Variants in AGMO observed in about 807,000 individuals in gnomAD.
The protein encoded by AGMO is glyceryl-ether monooxygenase.
Under a neutral mutation model 60.2 loss-of-function variants are expected in AGMO, and 75 were observed. The observed-to-expected ratio is 1.25, with a 90% CI of 1.03 to 1.51. The LOEUF (loss-of-function observed/expected upper bound fraction) is 1.51, where lower values mean the gene tolerates loss of function less well. Among genes scored for constraint, AGMO ranks in the 40% most tolerant of loss-of-function variants. AGMO has a pLI of 0.00. For synonymous variants in AGMO, 261 were observed against 177.1 expected (o/e 1.47, Z -3.76); for missense variants, 763 against 525.5 (o/e 1.45, Z -4.42).
intron 10 of AGMO, among the ~76,000 whole-genome samples, chr7:15,368,383 T>A (rs528433088): frequency 1.3e-5 from 2 of 152,190 alleles, no homozygotes; most frequent in East Asian, 3.9e-4. Flanking sequence ...ATTGCTTCAT[T>A]GTGGTTTTGG....
At chr7:15,270,284 A>C (rs1255448597) in intron 12 of AGMO, among the ~76,000 whole-genome samples, 2 of 151,802 alleles carry the variant, frequency 1.3e-5, no homozygotes, top group Non-Finnish European at 2.9e-5. Flanking sequence ...TTGTTTTTTG[A>C]CTTTGTATTA....
intron 10 of AGMO, among the ~76,000 whole-genome samples, chr7:15,369,661 C>T (rs1783123778): frequency 6.6e-6 from 1 of 152,058 alleles, no homozygotes; most frequent in African/African-American, 2.4e-5. Context: ...TATGATTTTC[C>T]ACTTCTATAC....
intron 10 of AGMO, among the ~76,000 whole-genome samples, chr7:15,366,773 G>C (rs550802641): frequency 9.2e-5 from 14 of 151,950 alleles, no homozygotes; most frequent in Non-Finnish European, 1.9e-4. Flanking sequence ...TAAACATTAA[G>C]CATTAGTGTG....
chr7:15,304,544 A>C (rs773617885), intron 12 of AGMO, among the ~76,000 whole-genome samples: 2 of 152,128 alleles, frequency 1.3e-5, no homozygotes, highest in East Asian at 3.8e-4. Context: ...TAAGGAAGAT[A>C]AAGTGGAAAG....
chr7:15,242,111 C>G (rs2128503324), intron 12 of AGMO, among the ~76,000 whole-genome samples: 1 of 152,248 alleles, frequency 6.6e-6, no homozygotes, highest in South Asian at 2.1e-4. Context: ...CCCCAAAAAT[C>G]CCTCTCTTTT....
At chr7:15,333,744 A>G (rs1056316244) in intron 12 of AGMO, among the ~76,000 whole-genome samples, 1 of 152,094 alleles carries the variant, frequency 6.6e-6, no homozygotes, top group Non-Finnish European at 1.5e-5. Flanking sequence ...AAATTATCTT[A>G]CACTAATCTA....
At chr7:15,299,230 A>C (rs1784487769) in intron 12 of AGMO, among the ~76,000 whole-genome samples, 1 of 151,876 alleles carries the variant, frequency 6.6e-6, no homozygotes, top group African/African-American at 2.4e-5. Flanking sequence ...TAATAAATAT[A>C]ATAATATAAT....
At chr7:15,374,381 T>A (rs375444466) in intron 10 of AGMO, among the ~76,000 whole-genome samples, 2 of 152,212 alleles carry the variant, frequency 1.3e-5, no homozygotes. Context: ...TAAAAAAGTA[T>A]AATTAACATA....
In AGMO at chr7:15,375,523, A is replaced by T. The variant is rs938166755; in HGVS notation, c.1075-9301T>A. ...GTGATTCTCTTGCCTCAGCCTCCAG[A>T]GTAGCTGGGATTACAGACACCTGCC... On this transcript the variant is annotated intron_variant, in intron 10 of 12. Transcript: ENST00000342526. Among the ~76,000 whole-genome samples the T allele has an allele frequency of 3.3e-5, 5 of 151,098 alleles. No homozygotes were observed. The South Asian group carries it at 1.0e-3, about 31-fold the overall frequency.
intron 5 of AGMO, among the ~76,000 whole-genome samples, chr7:15,402,475 G>A (rs1333673383): frequency 1.3e-5 from 2 of 151,360 alleles, no homozygotes; most frequent in African/African-American, 4.8e-5. Flanking sequence ...TAAAAAGTGT[G>A]CAGTAATAAA....
chr7:15,222,132 C>T (rs1402709988), intron 12 of AGMO, among the ~76,000 whole-genome samples: 2 of 152,026 alleles, frequency 1.3e-5, no homozygotes, highest in African/African-American at 2.4e-5. Context: ...GTCCAACTTG[C>T]TACTTTTTAG....
At chr7:15,383,618 A>G (rs1783784021) in intron 10 of AGMO, among the ~76,000 whole-genome samples, 1 of 152,164 alleles carries the variant, frequency 6.6e-6, no homozygotes. Flanking sequence ...TATTGAAATT[A>G]TTGATAATCC....
At chr7:15,507,703 C>G (rs1356222805) in intron 3 of AGMO, among the ~76,000 whole-genome samples, 4 of 152,014 alleles carry the variant, frequency 2.6e-5, no homozygotes, top group Non-Finnish European at 4.4e-5. Context: ...CACTGAATAA[C>G]TAGTTGATGA....
At chr7:15,123,121 G>A in the AGMO span, among the ~76,000 whole-genome samples, 1 of 151,848 alleles carries the variant, frequency 6.6e-6, no homozygotes, top group Non-Finnish European at 1.5e-5. Context: ...TCTTTCTGTT[G>A]TTTTCTTTTC....
intron 5 of AGMO, among the ~76,000 whole-genome samples, chr7:15,398,245 G>C (rs1230228374): frequency 1.3e-5 from 2 of 152,200 alleles, no homozygotes; most frequent in Non-Finnish European, 2.9e-5. Flanking sequence ...AGTGCATGCA[G>C]ATGATTGGAG....
chr7:15,420,882 T>G (rs1459582771), intron 4 of AGMO, among the ~76,000 whole-genome samples: 3 of 152,152 alleles, frequency 2.0e-5, no homozygotes, highest in Non-Finnish European at 4.4e-5. Flanking sequence ...TTACACTGTC[T>G]ACCCTAGGTC....
At chr7:15,394,063 G>A in intron 6 of AGMO, 50 bp downstream of exon 6, 2 of 1,354,394 alleles carry the variant, frequency 1.5e-6, no homozygotes, top group Non-Finnish European at 2.1e-6. Flanking sequence ...AAATAATAAT[G>A]CAATTTTTAG....
At chr7:15,434,260 A>G (rs1781335805) in intron 3 of AGMO, among the ~76,000 whole-genome samples, 1 of 152,166 alleles carries the variant, frequency 6.6e-6, no homozygotes, top group Non-Finnish European at 1.5e-5. Flanking sequence ...ACTGAGGTCC[A>G]GAGGGCTAAC....
At chr7:15,504,073 G>C (rs866941469) in intron 3 of AGMO, among the ~76,000 whole-genome samples, 20 of 152,050 alleles carry the variant, frequency 1.3e-4, no homozygotes, top group Middle Eastern at 3.4e-3. Flanking sequence ...GAGAAACTTA[G>C]TCATCCAATT....
Sources: gnomAD v4.1 joint callset for allele counts (sites outside exome capture counted in the v4.1 genomes callset) on GRCh38, gnomAD v4.1.1 for gene constraint, MANE v1.5 for transcripts, NCBI Gene and HGNC (gene_info 2026-07-23, HGNC 2026-07-21) for gene names.